MAD1L1: variants seen among roughly 807,000 people sequenced by gnomAD.
MAD1L1 encodes mitotic spindle assembly checkpoint protein MAD1.
MAD1L1 carries 95 observed loss-of-function variants against 96.9 expected under a neutral mutation model. The ratio of observed to expected loss-of-function variants is 0.98; its 90% CI spans 0.83 to 1.16. The LOEUF (loss-of-function observed/expected upper bound fraction) is 1.16. Among genes scored for constraint, MAD1L1 ranks in the 50% most tolerant of loss-of-function variants. The probability of loss-of-function intolerance (pLI) is 0.00; values close to 1 mark genes in which losing one functional copy is unlikely to be tolerated. For synonymous variants in MAD1L1, 473 were observed against 396.6 expected (o/e 1.19, Z -2.29); for missense variants, 1,007 against 954.4 (o/e 1.06, Z -0.73).
chr7:1,889,024 A>C (rs1371304795), intron 18 of MAD1L1, among the ~76,000 whole-genome samples: 1 of 152,220 alleles, frequency 6.6e-6, no homozygotes, highest in Non-Finnish European at 1.5e-5. Context: ...GGATCCACTC[A>C]GCGCAATGTG....
At chr7:2,212,669 C>A (rs1009993361) in intron 10 of MAD1L1, among the ~76,000 whole-genome samples, 1 of 152,212 alleles carries the variant, frequency 6.6e-6, no homozygotes, top group Non-Finnish European at 1.5e-5. Flanking sequence ...CTCCCTGCGG[C>A]TTCACCAGAA....
intron 17 of MAD1L1, among the ~76,000 whole-genome samples, chr7:1,933,360 T>C (rs1422536062): frequency 6.6e-6 from 1 of 152,154 alleles, no homozygotes; most frequent in East Asian, 1.9e-4. Flanking sequence ...GGGAGGTCTT[T>C]CCACCATAGC....
chr7:2,207,228 C>T (rs1289460281), intron 10 of MAD1L1, among the ~76,000 whole-genome samples: 1 of 152,140 alleles, frequency 6.6e-6, no homozygotes, highest in African/African-American at 2.4e-5. Context: ...AGTACCTTTA[C>T]GATACTCTGA....
At chr7:2,231,029 T>C (rs902378224) in intron 1 of MAD1L1, among the ~76,000 whole-genome samples, 3 of 152,210 alleles carry the variant, frequency 2.0e-5, no homozygotes, top group African/African-American at 7.2e-5. Flanking sequence ...GTCTGGCCTC[T>C]TGCCCAGGCA....
chr7:2,097,147 G>C (rs73034437), intron 11 of MAD1L1, among the ~76,000 whole-genome samples: 5,601 of 151,940 alleles, frequency 0.037, 130 homozygotes, highest in South Asian at 0.09. Context: ...CCCAGGCACA[G>C]GCTCACCCTA....
intron 18 of MAD1L1, among the ~76,000 whole-genome samples, chr7:1,817,299 C>T (rs1583459142): frequency 6.6e-6 from 1 of 152,272 alleles, no homozygotes; most frequent in East Asian, 1.9e-4. Flanking sequence ...ACGCAGAGTC[C>T]ATGGGCCCAG....
intron 12 of MAD1L1, among the ~76,000 whole-genome samples, chr7:2,043,297 G>A (rs527561498): frequency 6.6e-6 from 1 of 152,300 alleles, no homozygotes; most frequent in Non-Finnish European, 1.5e-5. Context: ...CTTCTCCTGT[G>A]GTTCCCCTCC....
chr7:1,816,382 T>C lies in MAD1L1; in HGVS notation c.1999-154A>G, dbSNP rs376868541. Among the ~76,000 whole-genome samples, 258 of 152,286 alleles carry C rather than the reference T, an allele frequency of 1.7e-3. 1 individual carries two copies. Among genetic ancestry groups the C allele is most frequent in the Middle Eastern group, 6.8e-3 (2 of 294 alleles). ...ATGCGTCCTCAACCCTGCCAGGCCT[T>C]ATTCCAGGTCACCTAAAGGGACTGA... On this transcript the variant is annotated intron_variant, in intron 18 of 18. Coordinates refer to ENST00000265854, the MANE Select transcript of MAD1L1 (RefSeq NM_001013836.2).
intron 18 of MAD1L1, among the ~76,000 whole-genome samples, chr7:1,889,228 C>G (rs1195526842): frequency 6.6e-6 from 1 of 152,216 alleles, no homozygotes; most frequent in African/African-American, 2.4e-5. Flanking sequence ...CAGTTCTGGC[C>G]CGGGTCCAGT....
chr7:1,956,277 G>A (rs1420277336), intron 16 of MAD1L1, among the ~76,000 whole-genome samples: 1 of 152,132 alleles, frequency 6.6e-6, no homozygotes. Flanking sequence ...GTCAGAAGTG[G>A]TGGCAGCTGG....
intron 17 of MAD1L1, among the ~76,000 whole-genome samples, chr7:1,927,079 C>A (rs1045814286): frequency 1.3e-5 from 2 of 152,284 alleles, no homozygotes; most frequent in East Asian, 3.9e-4. Context: ...TCTACACACA[C>A]GCACTGAACA....
chr7:1,939,022 CAT>C (rs1414651587), intron 16 of MAD1L1, among the ~76,000 whole-genome samples: 58 of 131,748 alleles, frequency 4.4e-4, no homozygotes, highest in South Asian at 1.8e-3. Flanking sequence ...CACACACACA[CAT>C]GGGCCAGGGC....
At chr7:1,917,751 G>A (rs559685048) in intron 17 of MAD1L1, among the ~76,000 whole-genome samples, 8 of 152,338 alleles carry the variant, frequency 5.3e-5, no homozygotes, top group South Asian at 2.1e-4. Flanking sequence ...CTGCCCGGGC[G>A]TGTGGCCGTG....
chr7:2,064,025 C>T (rs1372264209), intron 12 of MAD1L1, among the ~76,000 whole-genome samples: 1 of 152,178 alleles, frequency 6.6e-6, no homozygotes, highest in African/African-American at 2.4e-5. Flanking sequence ...CCGTAGCAGG[C>T]CGGCTCCACA....
At chr7:2,166,302 G>A (rs1252262224) in intron 10 of MAD1L1, among the ~76,000 whole-genome samples, 8 of 152,174 alleles carry the variant, frequency 5.3e-5, no homozygotes, top group African/African-American at 1.9e-4. Flanking sequence ...CCAGACACAT[G>A]TAAATAAAAT....
chr7:2,182,025 G>C (rs1791224893), intron 10 of MAD1L1, among the ~76,000 whole-genome samples: 2 of 152,126 alleles, frequency 1.3e-5, no homozygotes, highest in South Asian at 4.2e-4. Flanking sequence ...TCTGGGGACA[G>C]TGTACACTGC....
At chr7:2,002,172 T>C in intron 13 of MAD1L1, 51 bp from the exon 14 acceptor site, 4 of 1,559,114 alleles carry the variant, frequency 2.6e-6, no homozygotes, top group Non-Finnish European at 3.5e-6. Context: ...CCAGGCCCCA[T>C]TTCTAGGACT....
intron 10 of MAD1L1, among the ~76,000 whole-genome samples, chr7:2,187,192 T>C (rs1428282663): frequency 1.3e-5 from 2 of 151,816 alleles, no homozygotes; most frequent in African/African-American, 4.8e-5. Context: ...TACCAAAAAA[T>C]ACAAAAATTA....
At chr7:1,928,280 C>T (rs576707470) in intron 17 of MAD1L1, among the ~76,000 whole-genome samples, 12 of 151,516 alleles carry the variant, frequency 7.9e-5, no homozygotes, top group Non-Finnish European at 1.3e-4. Flanking sequence ...GAGGAGCCCA[C>T]GACAGAACTG....
Sources: allele counts gnomAD v4.1 joint callset (sites outside exome capture counted in the v4.1 genomes callset), GRCh38; gene constraint gnomAD v4.1.1; transcripts MANE v1.5; gene names NCBI Gene and HGNC (gene_info 2026-07-23, HGNC 2026-07-21).